Variants in RBM33 observed in about 807,000 individuals in gnomAD.
RBM33 encodes RNA binding motif protein 33.
Under a neutral mutation model 132.6 loss-of-function variants are expected in RBM33, and 28 were observed. The ratio of observed to expected loss-of-function variants is 0.21; its 90% CI spans 0.16 to 0.29. RBM33 has a LOEUF of 0.29. RBM33 is among the 10% of genes least tolerant of loss of function. The pLI is 1.00. For synonymous variants in RBM33, 634 were observed against 593.0 expected (o/e 1.07, Z -1.01); for missense variants, 1,291 against 1,518.5 (o/e 0.85, Z 2.49).
chr7:155,720,928 C>T (rs554459324), intron 9 of RBM33, among the ~76,000 whole-genome samples: 2 of 152,306 alleles, frequency 1.3e-5, no homozygotes, highest in South Asian at 4.1e-4. Context: ...GAACATTGAA[C>T]TTCAAATGTA....
At chr7:155,673,941 T>TTGTTTTTTGTTTTTG (rs796928438) in intron 3 of RBM33, among the ~76,000 whole-genome samples, 8 of 42,506 alleles carry the variant, frequency 1.9e-4, no homozygotes, top group African/African-American at 7.7e-4. Flanking sequence ...TTAGGCTTAG[T>TTGTTTTTTGTTTTTG]TTTTTTTTTT....
intron 2 of RBM33, among the ~76,000 whole-genome samples, chr7:155,670,278 A>G (rs1798910688): frequency 6.6e-6 from 1 of 152,244 alleles, no homozygotes; most frequent in Non-Finnish European, 1.5e-5. Context: ...AAGCCTCTTC[A>G]TCAGCCCAGT....
intron 9 of RBM33, among the ~76,000 whole-genome samples, chr7:155,719,350 T>C (rs890450531): frequency 7.2e-5 from 11 of 152,192 alleles, no homozygotes; most frequent in African/African-American, 2.4e-4. Context: ...AACATTTATA[T>C]ATGGCATTTA....
intron 16 of RBM33, 167 bp downstream of exon 16, chr7:155,766,822 C>A: frequency 1.5e-6 from 1 of 670,298 alleles, no homozygotes; most frequent in South Asian, 1.9e-5. Context: ...AGAACATTTG[C>A]CTCAAACGTT....
At chr7:155,703,516 A>G (rs1210020518) in intron 6 of RBM33, among the ~76,000 whole-genome samples, 1 of 152,186 alleles carries the variant, frequency 6.6e-6, no homozygotes, top group African/African-American at 2.4e-5. Flanking sequence ...CCATAGTTAA[A>G]AGTACCTTTT....
At chr7:155,705,034 C>T (rs1312978613) in intron 6 of RBM33, among the ~76,000 whole-genome samples, 2 of 152,052 alleles carry the variant, frequency 1.3e-5, no homozygotes, top group Non-Finnish European at 2.9e-5. Flanking sequence ...TGTATTTCAA[C>T]TATTATAAAA....
intron 5 of RBM33, among the ~76,000 whole-genome samples, chr7:155,685,318 G>C (rs1357484827): frequency 2.6e-5 from 4 of 152,190 alleles, no homozygotes; most frequent in Non-Finnish European, 5.9e-5. Context: ...TGACGTATAT[G>C]TTAGTGCTTT....
chr7:155,670,004 G>A (rs1798903643), intron 2 of RBM33, among the ~76,000 whole-genome samples: 1 of 152,162 alleles, frequency 6.6e-6, no homozygotes, highest in Non-Finnish European at 1.5e-5. Flanking sequence ...ACTAGAGTGG[G>A]GAGGACCCAG....
intron 5 of RBM33, among the ~76,000 whole-genome samples, chr7:155,699,794 T>G (rs1799906896): frequency 6.6e-6 from 1 of 152,180 alleles, no homozygotes; most frequent in African/African-American, 2.4e-5. Flanking sequence ...GTCATTGGTT[T>G]GTTTTCATTT....
chr7:155,731,736 G>A (rs1800962624), intron 9 of RBM33, among the ~76,000 whole-genome samples: 2 of 152,114 alleles, frequency 1.3e-5, no homozygotes, highest in South Asian at 4.1e-4. Flanking sequence ...ATTGATGGTG[G>A]GTAACTCAAC....
At chr7:155,773,012 A>C (rs545408549) in intron 16 of RBM33, among the ~76,000 whole-genome samples, 5 of 152,220 alleles carry the variant, frequency 3.3e-5, no homozygotes, top group Non-Finnish European at 5.9e-5. Flanking sequence ...ACACTTTCCA[A>C]GTCACTGATG....
chr7:155,720,986 A>T (rs536859294), intron 9 of RBM33, among the ~76,000 whole-genome samples: 1 of 152,334 alleles, frequency 6.6e-6, no homozygotes, highest in African/African-American at 2.4e-5. Context: ...GCAAAAATAG[A>T]TTTGAATTCA....
At chr7:155,653,413 G>A (rs1197927608) in intron 1 of RBM33, among the ~76,000 whole-genome samples, 3 of 151,776 alleles carry the variant, frequency 2.0e-5, no homozygotes, top group Non-Finnish European at 4.4e-5. Context: ...AGGTTCCCTC[G>A]GCAGAACTTT....
intron 3 of RBM33, among the ~76,000 whole-genome samples, chr7:155,677,186 A>ATGG (rs749885219): frequency 1.3e-5 from 2 of 150,790 alleles, no homozygotes; most frequent in Non-Finnish European, 2.9e-5. Context: ...GACAGATTAT[A>ATGG]TGGTCACCTA....
intron 9 of RBM33, among the ~76,000 whole-genome samples, chr7:155,729,860 A>G (rs1324513347): frequency 6.6e-6 from 1 of 151,896 alleles, no homozygotes; most frequent in African/African-American, 2.4e-5. Context: ...TGTGCACTGT[A>G]TGTGTTTCAC....
chr7:155,681,013 T>A, intron 5 of RBM33, 105 bp downstream of exon 5: 1 of 845,866 alleles, frequency 1.2e-6, no homozygotes, highest in Non-Finnish European at 1.8e-6. Flanking sequence ...GGAGGGGAAA[T>A]TAGACCTTAT....
intron 9 of RBM33, among the ~76,000 whole-genome samples, chr7:155,735,930 A>G (rs1801112995): frequency 2.6e-5 from 4 of 152,336 alleles, no homozygotes; most frequent in South Asian, 2.1e-4. Flanking sequence ...CCCTAATGTC[A>G]GGCAATAGTA....
At chr7:155,707,119 G>A in intron 7 of RBM33, 51 bp downstream of exon 7, 1 of 1,394,820 alleles carries the variant, frequency 7.2e-7, no homozygotes, top group African/African-American at 1.4e-5. Flanking sequence ...ACAAATGGCA[G>A]TAAGCTTTTG....
chr7:155,773,568 C>CAAAAAAAAAAAAA lies in RBM33; in HGVS notation c.3376-976_3376-964dup, dbSNP rs201127157. Among the ~76,000 whole-genome samples the CAAAAAAAAAAAAA allele has an allele frequency of 5.9e-4, 30 of 50,468 alleles. 3 individuals are homozygous for CAAAAAAAAAAAAA. The highest frequency in any genetic ancestry group is 2.4e-3 in the African/African-American group (29 of 11,982). 33.1% of individuals were successfully genotyped at this position (50,468 alleles called of 152,430 possible). A position where few individuals can be genotyped will look rare whatever the true frequency, so the allele number is the denominator to read the frequency against. On this transcript the variant is annotated intron_variant, in intron 16 of 17. Coordinates refer to ENST00000401878, the MANE Select transcript of RBM33 (RefSeq NM_053043.3). ...AGGCAACAGTGCGAGACTCCATCTC[C>CAAAAAAAAAAAAA]AAAAAAAAAAAAAAAAAAAAAAAAA...
Sources: allele counts gnomAD v4.1 joint callset (sites outside exome capture counted in the v4.1 genomes callset), GRCh38; gene constraint gnomAD v4.1.1; transcripts MANE v1.5; gene names NCBI Gene and HGNC (gene_info 2026-07-23, HGNC 2026-07-21).